CDAN1: variants seen among roughly 807,000 people sequenced by gnomAD.
The protein encoded by CDAN1 is codanin 1.
Under a neutral mutation model 139.8 loss-of-function variants are expected in CDAN1, and 107 were observed. The ratio of observed to expected loss-of-function variants is 0.77; its 90% CI spans 0.65 to 0.90. The LOEUF (loss-of-function observed/expected upper bound fraction) is 0.90, where lower values mean the gene tolerates loss of function less well. CDAN1 is among the 40% of genes least tolerant of loss of function. CDAN1 has a pLI of 0.00. For missense variants in CDAN1, 1,667 were observed against 1,575.7 expected (o/e 1.06, Z -0.98); for synonymous variants, 776 against 660.6 (o/e 1.17, Z -2.68).
chr15:42,735,077 A>G (rs1366476167), intron 6 of CDAN1, 23 bp downstream of exon 6: 2 of 1,561,786 alleles, frequency 1.3e-6, no homozygotes, highest in Non-Finnish European at 8.8e-7. Context: ...TGAGGCCCAA[A>G]TGCCTCAGCC....
intron 12 of CDAN1, 67 bp downstream of exon 12, chr15:42,731,144 T>C: frequency 9.3e-6 from 15 of 1,614,166 alleles, no homozygotes; most frequent in Non-Finnish European, 1.3e-5. Flanking sequence ...GTTATAAAGT[T>C]TTTCTTGAAC....
At chr15:42,729,528 G>GTGTCC (rs2061580628) in intron 17 of CDAN1, 40 bp downstream of exon 17, 1 of 1,612,564 alleles carries the variant, frequency 6.2e-7, no homozygotes. Context: ...TACTCATGGA[G>GTGTCC]GGACAGACCA....
rs758214658 is a variant in CDAN1 at position 42,724,077 on chromosome 15, T to C, written c.*414A>G. 7.6e-5 allele frequency: 22 copies of C among 287,658 alleles called. No individual in the cohort carries two copies. The highest frequency in any genetic ancestry group is 1.2e-4 in the Non-Finnish European group (18 of 146,574). 17.8% of individuals were successfully genotyped at this position (287,658 alleles called of 1,614,324 possible). On this transcript the variant is annotated 3_prime_UTR_variant, in exon 28 of 28. Transcript: ENST00000356231. The stretch of plus-strand genomic sequence containing the variant: ...GATAAGAAAATGTAGACTCCCAAGA[T>C]TCATGTTTTAACTTTCTTCATAAGT...
rs751278188 is a variant in CDAN1 at position 42,729,049 on chromosome 15, A to G, written c.2619T>C (p.Ile873=). The change falls in exon 19 of 28, where the codon ATT becomes ATC. Residue 873 remains isoleucine (I), a synonymous_variant. Transcript: ENST00000356231. The stretch of plus-strand genomic sequence containing the variant: ...TGATATGTTTGACACAGTTTGATCC[A>G]ATTCTTTCTGCCACGAACTCTACGG... ...RRTVEFVAER[I]GSNCVKHIKA... is the part of the protein sequence containing the mutation. The G allele has an allele frequency of 6.8e-6, 11 of 1,614,194 alleles. 1 individual carries two copies. In the South Asian group the frequency reaches 1.1e-4, roughly 16 times the overall value.
chr15:42,729,203 C>G, intron 18 of CDAN1, 26 bp downstream of exon 18: 1 of 1,612,076 alleles, frequency 6.2e-7, no homozygotes, highest in South Asian at 1.1e-5. Context: ...TCATTTTCCC[C>G]ACGGCTGTCT....
Position 42,730,914 on chromosome 15 carries a change from C to T in CDAN1, c.2007+11G>A, listed in dbSNP as rs758515470. 5.5e-5 allele frequency: 89 copies of T among 1,614,048 alleles called. 1 individual carries two copies. The South Asian group carries it at 7.9e-4, about 14-fold the overall frequency. Reference sequence around the variant, plus strand: ...CTGCTCCCTCCTCACCAGAATCCCCCGCCCATTCACCTGGCTCCTGAGGGC... The same window carrying T: ...CTGCTCCCTCCTCACCAGAATCCCCTGCCCATTCACCTGGCTCCTGAGGGC... On this transcript the variant is annotated intron_variant, in intron 13 of 27. Coordinates refer to ENST00000356231, the MANE Select transcript of CDAN1 (RefSeq NM_138477.4).
chr15:42,734,882 G>C lies in CDAN1; in HGVS notation c.1136+218C>G, dbSNP rs148657653. ...CACTGTCCTGCCTCGGCCTCTCAAA[G>C]TGGTGGGAATGCAGGCGTGAGCCAC... On this transcript the variant is annotated intron_variant, in intron 6 of 27. Transcript: ENST00000356231. Among the ~76,000 whole-genome samples the C allele has an allele frequency of 9.4e-3, 1,397 of 148,382 alleles. 19 individuals are homozygous for C. Among genetic ancestry groups the C allele is most frequent in the African/African-American group, 0.033 (1,325 of 39,748 alleles).
intron 6 of CDAN1, 53 bp downstream of exon 6, chr15:42,735,047 A>T: frequency 7.9e-7 from 1 of 1,257,920 alleles, no homozygotes; most frequent in South Asian, 1.2e-5. Flanking sequence ...GCAGCCAGAG[A>T]GCTAAGCAGA....
Position 42,733,973 on chromosome 15 carries a change from G to A in CDAN1, c.1332C>T (p.Ser444=), listed in dbSNP as rs758029642. The change falls in exon 8 of 28, where the codon TCC becomes TCT. Residue 444 remains serine (S), a synonymous_variant. Transcript: ENST00000356231. ...QPETDNRANF[S]SDRAFHTFKK... Reference sequence around the variant, plus strand: ...TAAAAGTATGAAAGGCTCGGTCACTGGAGAAGTTGGCACGATTGTCAGTCT... The same window carrying A: ...TAAAAGTATGAAAGGCTCGGTCACTAGAGAAGTTGGCACGATTGTCAGTCT... The A allele has an allele frequency of 1.2e-6, 2 of 1,614,028 alleles. No homozygotes were observed. The highest frequency in any genetic ancestry group is 1.7e-6 in the Non-Finnish European group (2 of 1,179,904).
chr15:42,729,828 C>G lies in CDAN1; in HGVS notation c.2320G>C (p.Glu774Gln). 1 of 1,613,924 alleles carries G rather than the reference C, an allele frequency of 6.2e-7. No individual in the cohort carries two copies. Among genetic ancestry groups the G allele is most frequent in the Non-Finnish European group, 8.5e-7 (1 of 1,179,936 alleles). Residue 774 changes from glutamate to glutamine, a missense_variant, in exon 16 of 28, where the codon GAG (glutamate) becomes CAG (glutamine). Coordinates refer to ENST00000356231, the MANE Select transcript of CDAN1 (RefSeq NM_138477.4). ...TGCTCTGGGGCTACTGTGTCCACCT[C>G]AAAGGCATATGAGGGACCCTCTTCC... ...FLEEGPSYAF[E>Q]VDTVAPEHGL...
Position 42,726,108 on chromosome 15 carries a change from G to GCTAA in CDAN1, c.3253_3256dup (p.Ala1086ValfsTer106), listed in dbSNP as rs1566979013. ...GAAAGCAACCATACCGAGGAGGGAA[G>GCTAA]CTAACTCCACAGAGCACTTTGCCAG... On this transcript the variant is annotated frameshift_variant, in exon 25 of 28. Transcript: ENST00000356231. LOFTEE classifies it high-confidence loss of function. The GCTAA allele has an allele frequency of 5.0e-6, 8 of 1,614,012 alleles. No homozygotes were observed. Among genetic ancestry groups the GCTAA allele is most frequent in the East Asian group, 2.2e-5 (1 of 44,880 alleles).
rs746847512 is a variant in CDAN1 at position 42,736,006 on chromosome 15, G to A, written c.642C>T (p.Cys214=). 1.2e-6 allele frequency: 2 copies of A among 1,614,190 alleles called. No individual in the cohort carries two copies. Among genetic ancestry groups the A allele is most frequent in the South Asian group, 2.2e-5 (2 of 91,084 alleles). ...EERSLSKPKT[C]FTSPPISCVP... is the part of the protein sequence containing the mutation. ...CACAGCTGATTGGGGGTGAGGTGAA[G>A]CAGGTCTTGGGCTTGGAGAGTGACC... The change falls in exon 3 of 28, where the codon TGC becomes TGT. Residue 214 remains cysteine, a synonymous_variant. Transcript: ENST00000356231.
intron 2 of CDAN1, 101 bp from the exon 3 acceptor site, chr15:42,736,179 A>G: frequency 3.2e-6 from 5 of 1,568,834 alleles, no homozygotes; most frequent in Non-Finnish European, 4.3e-6. Context: ...CCCCACAAAA[A>G]CCCTCACCAT....
Position 42,726,202 on chromosome 15 carries a change from C to T in CDAN1, c.3205-42G>A, listed in dbSNP as rs757822823. On this transcript the variant is annotated intron_variant, in intron 24 of 27. Coordinates refer to ENST00000356231, the MANE Select transcript of CDAN1 (RefSeq NM_138477.4). ...GGGGAAAGAGAGACCATAGGTATCA[C>T]CATGCTTACTGCTGCGAGAACTGGC... The T allele has an allele frequency of 5.0e-6, 8 of 1,608,940 alleles. No individual in the cohort carries two copies. In the Admixed American group the frequency reaches 1.3e-4, roughly 27 times the overall value.
chr15:42,736,485 CGGGCCGGCCCCG>C lies in CDAN1; in HGVS notation c.374_385del (p.Pro125_Ala128del). On this transcript the variant is annotated inframe_deletion, in exon 2 of 28. Coordinates refer to ENST00000356231, the MANE Select transcript of CDAN1 (RefSeq NM_138477.4). ...CTCCAGGCCGCGGCCTCCACGCTCG[CGGGCCGGCCCCG>C]GGCCCCGCCTCCTGCCCCCGCGGCG... The C allele has an allele frequency of 6.9e-7, 1 of 1,447,760 alleles. No homozygotes were observed. The highest frequency in any genetic ancestry group is 9.0e-7 in the Non-Finnish European group (1 of 1,107,630). 89.7% of individuals were successfully genotyped at this position (1,447,760 alleles called of 1,614,324 possible).
At chr15:42,728,838 T>G (rs2061568227) in intron 19 of CDAN1, 28 bp from the exon 20 acceptor site, 3 of 1,613,978 alleles carry the variant, frequency 1.9e-6, no homozygotes, top group Non-Finnish European at 2.5e-6. Context: ...AGGTTGGGGA[T>G]GGTTGGAGGG....
intron 21 of CDAN1, 78 bp downstream of exon 21, chr15:42,728,126 C>T: frequency 6.3e-7 from 1 of 1,587,638 alleles, no homozygotes; most frequent in Non-Finnish European, 8.6e-7. Context: ...CCCACACACC[C>T]TCCCGCAGCC....
At chr15:42,734,872 G>A (rs567938418) in intron 6 of CDAN1, among the ~76,000 whole-genome samples, 2 of 150,918 alleles carry the variant, frequency 1.3e-5, no homozygotes, top group South Asian at 2.1e-4. Flanking sequence ...TCCTGCCTCG[G>A]CCTCTCAAAG....
chr15:42,727,314 T>C (rs1447966983), intron 23 of CDAN1: 1 of 318,182 alleles, frequency 3.1e-6, no homozygotes. Context: ...TAGAGACTCA[T>C]TTGCTATCAA....
Sources: allele counts gnomAD v4.1 joint callset (sites outside exome capture counted in the v4.1 genomes callset), GRCh38; gene constraint gnomAD v4.1.1; transcripts MANE v1.5; gene names NCBI Gene and HGNC (gene_info 2026-07-23, HGNC 2026-07-21).